The following NALF1 variants were observed in gnomAD, a reference collection of about 807,000 sequenced individuals.
NALF1 encodes the protein NALCN channel auxiliary factor 1, also known as family with sequence similarity 155 member A.
NALF1 carries 3 observed loss-of-function variants against 48.4 expected under a neutral mutation model. The ratio of observed to expected loss-of-function variants is 0.06; its 90% confidence interval spans 0.03 to 0.16. The LOEUF is 0.16. Ranked by LOEUF, NALF1 falls within the 10% of genes least tolerant of loss-of-function variation. The probability of loss-of-function intolerance (pLI) is 1.00; values close to 1 mark genes in which losing one functional copy is unlikely to be tolerated. For missense variants in NALF1, 526 were observed against 571.5 expected, an observed-to-expected ratio of 0.92 and a Z score of 0.81; for synonymous variants, 262 against 245.7, an observed-to-expected ratio of 1.07 and a Z score of -0.62.
chr13:107,496,192 AAG>A (rs1875328795), intron 1 of NALF1, among the ~76,000 whole-genome samples: 1 of 152,176 alleles, frequency 6.6e-6, no homozygotes, highest in Non-Finnish European at 1.5e-5. Context: ...TTCCCTGAGA[AAG>A]AGCAATTTGA....
intron 1 of NALF1, among the ~76,000 whole-genome samples, chr13:107,588,431 T>C (rs953809197): frequency 1.3e-5 from 2 of 152,040 alleles, no homozygotes; most frequent in African/African-American, 2.4e-5. Flanking sequence ...CAGAATGACC[T>C]AAGCATGCCT....
At chr13:107,625,879 C>T (rs1003759718) in intron 1 of NALF1, among the ~76,000 whole-genome samples, 2 of 152,044 alleles carry the variant, frequency 1.3e-5, no homozygotes, top group African/African-American at 2.4e-5. Flanking sequence ...AATGTAGACA[C>T]AAGCTTAGTC....
chr13:107,511,691 A>G (rs1417574577), intron 1 of NALF1, among the ~76,000 whole-genome samples: 1 of 152,142 alleles, frequency 6.6e-6, no homozygotes, highest in African/African-American at 2.4e-5. Flanking sequence ...TGATGCAGCT[A>G]CTAGATGGCC....
At chr13:107,629,887 C>T (rs1408957230) in intron 1 of NALF1, among the ~76,000 whole-genome samples, 1 of 152,108 alleles carries the variant, frequency 6.6e-6, no homozygotes, top group Admixed American at 6.6e-5. Context: ...CACATTATCA[C>T]TTTCTGGATT....
At chr13:107,475,533 T>C (rs965195441) in intron 1 of NALF1, among the ~76,000 whole-genome samples, 1 of 152,224 alleles carries the variant, frequency 6.6e-6, no homozygotes, top group African/African-American at 2.4e-5. Context: ...GGGAGAAATG[T>C]ATTAAATGAA....
intron 2 of NALF1, among the ~76,000 whole-genome samples, chr13:107,181,065 C>T (rs1879049953): frequency 6.6e-6 from 1 of 151,546 alleles, no homozygotes; most frequent in South Asian, 2.1e-4. Context: ...TTCTCTTCCT[C>T]ATTGTTAACA....
chr13:107,745,873 C>A lies in NALF1; in HGVS notation c.915+119809G>T, dbSNP rs573770452. 3.3e-5 allele frequency among the ~76,000 whole-genome samples: 5 copies of A among 152,224 alleles called. No homozygotes were observed. The South Asian group carries it at 1.0e-3, about 32-fold the overall frequency. On this transcript the variant is annotated intron_variant, in intron 1 of 2. Transcript: ENST00000375915. Reference sequence around the variant, plus strand: ...CCCCCTTTGCTCAACAATTGTAATACAACAAAACAAAATCAGCATTAAGAC... The same window carrying A: ...CCCCCTTTGCTCAACAATTGTAATAAAACAAAACAAAATCAGCATTAAGAC...
At chr13:107,491,525 T>C (rs1875112862) in intron 1 of NALF1, among the ~76,000 whole-genome samples, 1 of 152,132 alleles carries the variant, frequency 6.6e-6, no homozygotes, top group Non-Finnish European at 1.5e-5. Flanking sequence ...TCCCCAGAGG[T>C]ACCCTGTGAG....
chr13:107,343,526 G>T (rs905214703), intron 1 of NALF1, among the ~76,000 whole-genome samples: 4 of 152,086 alleles, frequency 2.6e-5, no homozygotes, highest in African/African-American at 9.7e-5. Flanking sequence ...GACGTGACTT[G>T]CTCCTCCTTG....
rs978943638 is a variant in NALF1 at position 107,461,658 on chromosome 13, C to T, written c.916-250903G>A. The stretch of plus-strand genomic sequence containing the variant: ...TTTTTTTTGAATTATGCTAGCAAAT[C>T]TCAACACAGATTTTCACATGGTGCT... On this transcript the variant is annotated intron_variant, in intron 1 of 2. Coordinates refer to ENST00000375915, the MANE Select transcript of NALF1 (RefSeq NM_001080396.3). Among the ~76,000 whole-genome samples, 18 of 152,292 alleles carry T rather than the reference C, an allele frequency of 1.2e-4. No individual in the cohort carries two copies. In the East Asian group the frequency reaches 2.9e-3, roughly 24 times the overall value.
At chr13:107,224,390 C>A (rs1226209467) in intron 1 of NALF1, among the ~76,000 whole-genome samples, 1 of 149,866 alleles carries the variant, frequency 6.7e-6, no homozygotes, top group Non-Finnish European at 1.5e-5. Context: ...ATTGTATATA[C>A]AAATGATACC....
intron 1 of NALF1, among the ~76,000 whole-genome samples, chr13:107,743,477 A>G (rs1876696305): frequency 6.6e-6 from 1 of 152,262 alleles, no homozygotes; most frequent in African/African-American, 2.4e-5. Flanking sequence ...TAAGAATGAA[A>G]GCACAAAGCA....
chr13:107,772,547 C>A (rs906076842), intron 1 of NALF1, among the ~76,000 whole-genome samples: 7 of 151,866 alleles, frequency 4.6e-5, no homozygotes, highest in Admixed American at 3.9e-4. Flanking sequence ...TATATAAATG[C>A]TATGTGAAAA....
intron 1 of NALF1, among the ~76,000 whole-genome samples, chr13:107,486,082 C>T (rs1049515841): frequency 6.6e-6 from 1 of 152,204 alleles, no homozygotes; most frequent in Non-Finnish European, 1.5e-5. Flanking sequence ...CTAAATCCTA[C>T]AAGCCTACAA....
chr13:107,735,774 T>A (rs929095146), intron 1 of NALF1, among the ~76,000 whole-genome samples: 6 of 152,208 alleles, frequency 3.9e-5, no homozygotes, highest in Admixed American at 2.0e-4. Flanking sequence ...TATTTTGGCA[T>A]CTCTTTACCC....
intron 1 of NALF1, among the ~76,000 whole-genome samples, chr13:107,778,713 C>A (rs1478678909): frequency 6.6e-6 from 1 of 152,050 alleles, no homozygotes. Flanking sequence ...ACCTTAGGGT[C>A]TCTCCCTATT....
rs193143101 is a variant in NALF1, at chr13:107,301,342, G to A, written c.916-90587C>T. Among the ~76,000 whole-genome samples the A allele has an allele frequency of 1.9e-3, 296 of 152,210 alleles. 2 individuals are homozygous for A. Among genetic ancestry groups the A allele is most frequent in the African/African-American group, 6.5e-3 (270 of 41,548 alleles). ...AGAATTAAAAAGCGAAAAAGAGAACGCAATAGCTTTATAAAGCAATGGCTT... is the reference window on the plus strand; with the variant it reads ...AGAATTAAAAAGCGAAAAAGAGAACACAATAGCTTTATAAAGCAATGGCTT... On this transcript the variant is annotated intron_variant, in intron 1 of 2. Transcript: ENST00000375915.
intron 1 of NALF1, among the ~76,000 whole-genome samples, chr13:107,355,068 T>C (rs1322697615): frequency 6.6e-6 from 1 of 152,202 alleles, no homozygotes; most frequent in East Asian, 1.9e-4. Context: ...ATCTGGGCAC[T>C]GCCTATCTTT....
intron 1 of NALF1, among the ~76,000 whole-genome samples, chr13:107,501,869 T>C (rs1875536076): frequency 6.6e-6 from 1 of 152,200 alleles, no homozygotes; most frequent in Admixed American, 6.6e-5. Context: ...GTTCATTTCA[T>C]TGTTTTTCAG....
Sources: gnomAD v4.1 joint callset for allele counts (sites outside exome capture counted in the v4.1 genomes callset) on GRCh38, gnomAD v4.1.1 for gene constraint, MANE v1.5 for transcripts, NCBI Gene and HGNC (gene_info 2026-07-23, HGNC 2026-07-21) for gene names.